The following SNTG1 variants were observed in gnomAD, a reference collection of about 807,000 sequenced individuals.
The protein encoded by SNTG1 is gamma-1-syntrophin.
Under a neutral mutation model 74.7 loss-of-function variants are expected in SNTG1, and 39 were observed. The ratio of observed to expected loss-of-function variants is 0.52; its 90% CI spans 0.40 to 0.68. SNTG1 has a LOEUF of 0.68. Among genes scored for constraint, SNTG1 ranks in the 30% least tolerant of loss-of-function variants. The pLI is 0.00. For missense variants in SNTG1, 685 were observed against 609.5 expected (o/e 1.12, Z -1.30); for synonymous variants, 254 against 217.1 (o/e 1.17, Z -1.49).
At chr8:50,314,117 C>G (rs543611398) in intron 2 of SNTG1, among the ~76,000 whole-genome samples, 1 of 149,790 alleles carries the variant, frequency 6.7e-6, no homozygotes, top group South Asian at 2.2e-4. Context: ...ATCCAGTCAT[C>G]CCCTCTAGGC....
At chr8:49,974,747 A>C (rs1044279826) in intron 1 of SNTG1, among the ~76,000 whole-genome samples, 2 of 152,188 alleles carry the variant, frequency 1.3e-5, no homozygotes, top group African/African-American at 4.8e-5. Flanking sequence ...AAGAAGCTTA[A>C]GAAAAATTGC....
In SNTG1 at chr8:50,776,187, T is replaced by G. The variant is rs150663929; in HGVS notation, c.1396-16484T>G. On this transcript the variant is annotated intron_variant, in intron 18 of 18. Transcript: ENST00000642720. Reference sequence around the variant, plus strand: ...TTTCTGTTTTAATTTTTCTGCCTTCTTGTAACTTTTTTGAATATATGCTTT... The same window carrying G: ...TTTCTGTTTTAATTTTTCTGCCTTCGTGTAACTTTTTTGAATATATGCTTT... Among the ~76,000 whole-genome samples the G allele has an allele frequency of 5.7e-4, 86 of 150,958 alleles. No individual in the cohort carries two copies. The East Asian group carries it at 0.014, about 25-fold the overall frequency.
At chr8:50,089,006 T>C (rs1468260476) in intron 1 of SNTG1, among the ~76,000 whole-genome samples, 2 of 151,610 alleles carry the variant, frequency 1.3e-5, no homozygotes, top group Non-Finnish European at 2.9e-5. Flanking sequence ...CTTCAAACTA[T>C]ACTACAAGGC....
At chr8:50,450,248 C>T (rs1200802862) in intron 6 of SNTG1, among the ~76,000 whole-genome samples, 1 of 152,150 alleles carries the variant, frequency 6.6e-6, no homozygotes, top group Non-Finnish European at 1.5e-5. Flanking sequence ...TAAACATTTT[C>T]ACAGAGACCT....
chr8:50,373,089 C>T (rs1203769754), intron 2 of SNTG1, among the ~76,000 whole-genome samples: 1 of 152,118 alleles, frequency 6.6e-6, no homozygotes, highest in Admixed American at 6.6e-5. Flanking sequence ...CAGAGGGAGG[C>T]AAAAATCACC....
chr8:49,960,727 G>T (rs997526988), intron 1 of SNTG1, among the ~76,000 whole-genome samples: 1 of 152,090 alleles, frequency 6.6e-6, no homozygotes, highest in Non-Finnish European at 1.5e-5. Context: ...GCTCTAAAAA[G>T]ATCTGGGTCT....
chr8:50,608,783 A>G (rs2094830571), intron 13 of SNTG1, among the ~76,000 whole-genome samples: 4 of 151,658 alleles, frequency 2.6e-5, no homozygotes, highest in Admixed American at 2.0e-4. Context: ...TTAATTTTCT[A>G]TTTCTTTTTA....
intron 3 of SNTG1, 41 bp downstream of exon 3, chr8:50,394,306 AAT>A: frequency 6.3e-7 from 1 of 1,599,628 alleles, no homozygotes; most frequent in Non-Finnish European, 8.5e-7. Flanking sequence ...GGGAAAACAG[AAT>A]ATAAGCGGGA....
chr8:50,664,534 C>A lies in SNTG1; in HGVS notation c.1038+5871C>A, dbSNP rs562985650. ...GGGGCTGTGTATTCTTTGATCACCT[C>A]TTTGAATAAAAAGGATTTTGTAAAC... On this transcript the variant is annotated intron_variant, in intron 15 of 18. Coordinates refer to ENST00000642720, the MANE Select transcript of SNTG1 (RefSeq NM_018967.5). Among the ~76,000 whole-genome samples the A allele has an allele frequency of 3.0e-3, 452 of 152,200 alleles. 3 individuals are homozygous for A. The highest frequency in any genetic ancestry group is 0.011 in the African/African-American group (437 of 41,524).
At chr8:50,178,368 T>C (rs539272687) in intron 2 of SNTG1, among the ~76,000 whole-genome samples, 2 of 151,778 alleles carry the variant, frequency 1.3e-5, no homozygotes, top group South Asian at 4.2e-4. Flanking sequence ...CTTTTTTTTT[T>C]TTCTGTCACT....
intron 2 of SNTG1, among the ~76,000 whole-genome samples, chr8:50,331,447 G>A (rs544647310): frequency 1.3e-5 from 2 of 152,280 alleles, no homozygotes; most frequent in African/African-American, 4.8e-5. Context: ...TGGTATTTTT[G>A]GAAATTTAAG....
chr8:49,953,981 A>G (rs1809948425), intron 1 of SNTG1, among the ~76,000 whole-genome samples: 1 of 152,230 alleles, frequency 6.6e-6, no homozygotes, highest in East Asian at 1.9e-4. Context: ...GAAAACCAAA[A>G]GATGGAAATT....
intron 5 of SNTG1, among the ~76,000 whole-genome samples, chr8:50,446,159 A>T (rs2093405157): frequency 6.6e-6 from 1 of 152,138 alleles, no homozygotes. Flanking sequence ...TGATTTGATT[A>T]TTGACTGGAA....
At chr8:50,400,376 T>C (rs2092787316) in intron 3 of SNTG1, among the ~76,000 whole-genome samples, 1 of 152,246 alleles carries the variant, frequency 6.6e-6, no homozygotes, top group African/African-American at 2.4e-5. Flanking sequence ...TGTTCCACTG[T>C]GTATAAGTAC....
In SNTG1 at chr8:50,449,637, A is replaced by C. The variant is rs1430111772; in HGVS notation, c.220-31A>C. On this transcript the variant is annotated intron_variant, in intron 5 of 18. Coordinates refer to ENST00000642720, the MANE Select transcript of SNTG1 (RefSeq NM_018967.5). The stretch of plus-strand genomic sequence containing the variant: ...TAAAAGCAGCATTTTTTTTAGATTA[A>C]AAAGTACAATATATGATTTTCTCTT... 2.0e-6 allele frequency: 3 copies of C among 1,529,690 alleles called. No individual in the cohort carries two copies. The East Asian group carries it at 7.0e-5, about 36-fold the overall frequency. 94.8% of individuals were successfully genotyped at this position (1,529,690 alleles called of 1,614,324 possible).
chr8:50,485,783 C>G (rs1348297705), intron 8 of SNTG1, among the ~76,000 whole-genome samples: 1 of 150,754 alleles, frequency 6.6e-6, no homozygotes, highest in Non-Finnish European at 1.5e-5. Context: ...AGGTTTTCTT[C>G]TAGGGTTTTT....
At chr8:50,427,608 G>A (rs1345150528) in intron 4 of SNTG1, among the ~76,000 whole-genome samples, 1 of 152,000 alleles carries the variant, frequency 6.6e-6, no homozygotes, top group Non-Finnish European at 1.5e-5. Context: ...TTTATCTTTT[G>A]TAGAGACAGG....
chr8:50,651,105 G>T (rs763532590), intron 13 of SNTG1, among the ~76,000 whole-genome samples: 3 of 152,098 alleles, frequency 2.0e-5, no homozygotes, highest in Non-Finnish European at 2.9e-5. Flanking sequence ...AGTAATTTAT[G>T]CTGATGCTTG....
chr8:49,990,826 T>G (rs534125861), intron 1 of SNTG1, among the ~76,000 whole-genome samples: 1 of 152,242 alleles, frequency 6.6e-6, no homozygotes, highest in South Asian at 2.1e-4. Flanking sequence ...GGCCTAAAAC[T>G]ACAAATATTA....
Sources: gnomAD v4.1 joint callset for allele counts (sites outside exome capture counted in the v4.1 genomes callset) on GRCh38, gnomAD v4.1.1 for gene constraint, MANE v1.5 for transcripts, NCBI Gene and HGNC (gene_info 2026-07-23, HGNC 2026-07-21) for gene names.